SIPA1L3: variants seen among roughly 807,000 people sequenced by gnomAD.
The protein encoded by SIPA1L3 is signal induced proliferation associated 1 like 3.
A neutral mutation model predicts 150.1 loss-of-function variants in SIPA1L3; 59 were observed. The observed-to-expected ratio is 0.39, with a 90% CI of 0.32 to 0.49. The LOEUF (loss-of-function observed/expected upper bound fraction) is 0.49, where lower values mean the gene tolerates loss of function less well. Ranked by LOEUF, SIPA1L3 falls within the 20% of genes least tolerant of loss-of-function variation. The pLI, the probability that SIPA1L3 is intolerant of heterozygous loss-of-function variation, is 0.86. For missense variants in SIPA1L3, 2,211 were observed against 2,489.5 expected (o/e 0.89, Z 2.38); for synonymous variants, 1,070 against 1,077.6 (o/e 0.99, Z 0.14).
At chr19:38,124,966 C>T (rs1022619894) in intron 9 of SIPA1L3, among the ~76,000 whole-genome samples, 13 of 63,614 alleles carry the variant, frequency 2.0e-4, no homozygotes, top group Non-Finnish European at 1.7e-4. Context: ...AGTCCAGCTT[C>T]GGCTCGGGAT....
At chr19:37,972,061 G>T (rs970422550) in intron 1 of SIPA1L3, among the ~76,000 whole-genome samples, 2 of 152,186 alleles carry the variant, frequency 1.3e-5, no homozygotes, top group Middle Eastern at 3.4e-3. Context: ...AAGTTTTTGT[G>T]TAAAGATATT....
chr19:38,151,228 C>T (rs1001149755), intron 12 of SIPA1L3, among the ~76,000 whole-genome samples: 2 of 152,178 alleles, frequency 1.3e-5, no homozygotes, highest in Non-Finnish European at 2.9e-5. Flanking sequence ...GCAGACTTAC[C>T]CCATTTCAGT....
chr19:37,992,313 A>G (rs1465638778), intron 1 of SIPA1L3, among the ~76,000 whole-genome samples: 1 of 152,192 alleles, frequency 6.6e-6, no homozygotes, highest in Admixed American at 6.5e-5. Flanking sequence ...TAAGAATGTC[A>G]GCTTGAGGCC....
At chr19:38,189,833 C>T (rs1421327206) in intron 16 of SIPA1L3, among the ~76,000 whole-genome samples, 1 of 152,164 alleles carries the variant, frequency 6.6e-6, no homozygotes, top group Non-Finnish European at 1.5e-5. Context: ...TTGGTAAACT[C>T]CAGTATACCA....
intron 1 of SIPA1L3, among the ~76,000 whole-genome samples, chr19:37,980,286 G>C (rs979093151): frequency 6.6e-6 from 1 of 152,038 alleles, no homozygotes; most frequent in African/African-American, 2.4e-5. Context: ...ATCCGTCTAA[G>C]GTATCATTAT....
intron 2 of SIPA1L3, among the ~76,000 whole-genome samples, chr19:38,029,722 C>T (rs1011453442): frequency 1.1e-4 from 16 of 152,182 alleles, no homozygotes; most frequent in African/African-American, 2.9e-4. Context: ...CTTCAGCCTC[C>T]GGAGTAGCTG....
intron 15 of SIPA1L3, among the ~76,000 whole-genome samples, chr19:38,172,883 G>A (rs1003297395): frequency 6.6e-6 from 1 of 152,150 alleles, no homozygotes; most frequent in Non-Finnish European, 1.5e-5. Flanking sequence ...GCTAAGGCAG[G>A]TGGATCACTT....
chr19:38,075,496 C>T (rs1969818095), intron 2 of SIPA1L3, among the ~76,000 whole-genome samples: 1 of 149,804 alleles, frequency 6.7e-6, no homozygotes, highest in Admixed American at 6.7e-5. Flanking sequence ...AAAGAACTTG[C>T]AGGGGTGGGT....
chr19:38,186,699 A>G (rs1470320314), intron 16 of SIPA1L3, among the ~76,000 whole-genome samples: 3 of 149,862 alleles, frequency 2.0e-5, no homozygotes, highest in Non-Finnish European at 3.0e-5. Context: ...AAAAATCACA[A>G]CCAAGGCCGA....
At chr19:37,968,715 G>A (rs1431573940) in intron 1 of SIPA1L3, among the ~76,000 whole-genome samples, 1 of 152,210 alleles carries the variant, frequency 6.6e-6, no homozygotes, top group African/African-American at 2.4e-5. Context: ...TCTCAAATTG[G>A]TTGTCCTCTG....
rs143965456 is a variant in SIPA1L3, at chr19:38,062,723, C to T, written c.-310-18533C>T. ...GTAACTGCTGCCTCACGGGCTCAAG[C>T]GGTTCTCCTGCCTCAGCCTCCTGAG... On this transcript the variant is annotated intron_variant, in intron 2 of 21. Transcript: ENST00000222345. 9.5e-4 allele frequency among the ~76,000 whole-genome samples: 144 copies of T among 152,158 alleles called. 3 individuals are homozygous for T. The East Asian group carries it at 0.019, about 20-fold the overall frequency.
At chr19:38,192,844 G>T (rs1305169638) in intron 17 of SIPA1L3, among the ~76,000 whole-genome samples, 1 of 152,160 alleles carries the variant, frequency 6.6e-6, no homozygotes, top group Non-Finnish European at 1.5e-5. Flanking sequence ...CCAGGGTTGG[G>T]TCCCACCAGC....
intron 20 of SIPA1L3, 173 bp from the exon 21 acceptor site, chr19:38,203,954 G>A (rs1973146545): frequency 8.4e-6 from 5 of 593,730 alleles, no homozygotes; most frequent in African/African-American, 1.9e-5. Flanking sequence ...CTTGGTGGGT[G>A]GAGTGTGCCG....
At chr19:37,951,166 G>A (rs705490) in intron 1 of SIPA1L3, among the ~76,000 whole-genome samples, 1,663 of 152,338 alleles carry the variant, frequency 0.011, 32 homozygotes, top group African/African-American at 0.037. Context: ...GTGTCTGTCC[G>A]TTAGATCACA....
chr19:38,145,765 C>T (rs529059111), intron 12 of SIPA1L3, among the ~76,000 whole-genome samples: 1 of 152,042 alleles, frequency 6.6e-6, no homozygotes, highest in South Asian at 2.1e-4. Flanking sequence ...GTTGTGTAAC[C>T]ATCACGAGGT....
At chr19:37,952,073 CT>C (rs35684091) in intron 1 of SIPA1L3, among the ~76,000 whole-genome samples, 5,440 of 152,088 alleles carry the variant, frequency 0.036, 150 homozygotes, top group Non-Finnish European at 0.053. Flanking sequence ...TAAGACAGGT[CT>C]TTCTCTGGAG....
intron 15 of SIPA1L3, among the ~76,000 whole-genome samples, chr19:38,176,148 T>C (rs991729579): frequency 6.6e-6 from 1 of 151,902 alleles, no homozygotes; most frequent in Admixed American, 6.6e-5. Flanking sequence ...TAGCTGGGAT[T>C]ACAGGTGCAC....
chr19:38,158,353 A>T (rs377130663), intron 13 of SIPA1L3, among the ~76,000 whole-genome samples: 1 of 152,178 alleles, frequency 6.6e-6, no homozygotes, highest in Non-Finnish European at 1.5e-5. Context: ...GTCAGTGGGG[A>T]TGAGAACATT....
In SIPA1L3 at chr19:38,100,006, A is replaced by G; in HGVS notation, c.1710A>G (p.Thr570=). 6.2e-7 allele frequency: 1 copy of G among 1,610,066 alleles called. No homozygotes were observed. Among genetic ancestry groups the G allele is most frequent in the Admixed American group, 1.7e-5 (1 of 59,002 alleles). The change falls in exon 5 of 22, where the codon ACA becomes ACG. Residue 570 remains threonine, a synonymous_variant. Coordinates refer to ENST00000222345, the MANE Select transcript of SIPA1L3 (RefSeq NM_015073.3). Reference sequence around the variant, plus strand: ...CCATCCTGGAAGATGCTACGCCCACAGCCACCAAGCATGGGACCGGGCGGG... The same window carrying G: ...CCATCCTGGAAGATGCTACGCCCACGGCCACCAAGCATGGGACCGGGCGGG... ...RGSILEDATP[T]ATKHGTGRGL...
Sources: gnomAD v4.1 joint callset for allele counts (sites outside exome capture counted in the v4.1 genomes callset) on GRCh38, gnomAD v4.1.1 for gene constraint, MANE v1.5 for transcripts, NCBI Gene and HGNC (gene_info 2026-07-23, HGNC 2026-07-21) for gene names.